PLCH1: variants seen among roughly 807,000 people sequenced by gnomAD.
PLCH1 encodes the protein 1-phosphatidylinositol 4,5-bisphosphate phosphodiesterase eta-1.
A neutral mutation model predicts 126.7 loss-of-function variants in PLCH1; 60 were observed. The observed-to-expected ratio is 0.47, with a 90% confidence interval of 0.38 to 0.59. The LOEUF (loss-of-function observed/expected upper bound fraction) is 0.59. PLCH1 is among the 20% of genes least tolerant of loss of function. The probability of loss-of-function intolerance (pLI) is 0.00; values close to 1 mark genes in which losing one functional copy is unlikely to be tolerated. For synonymous variants in PLCH1, 719 were observed against 734.9 expected, an observed-to-expected ratio of 0.98 and a Z score of 0.35; for missense variants, 1,723 against 2,040.0, an observed-to-expected ratio of 0.84 and a Z score of 2.99.
At chr3:155,465,955 A>T (rs901671170) in intron 21 of PLCH1, among the ~76,000 whole-genome samples, 3 of 152,208 alleles carry the variant, frequency 2.0e-5, no homozygotes, top group African/African-American at 7.2e-5. Context: ...TTCAGTGCCA[A>T]TGCAGCCACA....
At chr3:155,714,790 G>T (rs1747387658) in intron 1 of PLCH1, among the ~76,000 whole-genome samples, 1 of 152,172 alleles carries the variant, frequency 6.6e-6, no homozygotes, top group Non-Finnish European at 1.5e-5. Flanking sequence ...TACTGGACTT[G>T]AATTGCTCAT....
chr3:155,483,125 C>G, intron 22 of PLCH1, 74 bp from the exon 23 acceptor site: 2 of 1,305,046 alleles, frequency 1.5e-6, no homozygotes, highest in South Asian at 2.7e-5. Context: ...ATGTTGTCTT[C>G]GGACAGACAA....
At chr3:155,711,818 G>A (rs1053292094) in intron 1 of PLCH1, among the ~76,000 whole-genome samples, 1 of 151,870 alleles carries the variant, frequency 6.6e-6, no homozygotes, top group Non-Finnish European at 1.5e-5. Context: ...GAACTCTTGG[G>A]GGAAAAAAAA....
intron 2 of PLCH1, among the ~76,000 whole-genome samples, chr3:155,627,038 T>A (rs1333540639): frequency 6.6e-6 from 1 of 152,160 alleles, no homozygotes; most frequent in Non-Finnish European, 1.5e-5. Context: ...CCCTTACTCA[T>A]GGTTAAAAAC....
chr3:155,484,687 A>G (rs1714739049), intron 22 of PLCH1, among the ~76,000 whole-genome samples: 1 of 152,194 alleles, frequency 6.6e-6, no homozygotes, highest in Admixed American at 6.5e-5. Context: ...GGCACACTGC[A>G]AGGCGGTCTT....
intron 2 of PLCH1, among the ~76,000 whole-genome samples, chr3:155,650,733 A>G (rs763612950): frequency 1.3e-5 from 2 of 152,232 alleles, no homozygotes; most frequent in Non-Finnish European, 2.9e-5. Flanking sequence ...GTAGAAGAAG[A>G]AATTACCAAT....
intron 21 of PLCH1, among the ~76,000 whole-genome samples, chr3:155,471,391 T>C (rs948465020): frequency 3.3e-5 from 5 of 151,600 alleles, no homozygotes; most frequent in Admixed American, 6.6e-5. Flanking sequence ...CCTAAATATA[T>C]ATGCGCCCAA....
chr3:155,561,196 T>C (rs1233014208), intron 8 of PLCH1, among the ~76,000 whole-genome samples: 4 of 151,862 alleles, frequency 2.6e-5, no homozygotes, highest in Non-Finnish European at 5.9e-5. Flanking sequence ...GTTAGTTACA[T>C]ATGTATACAT....
At chr3:155,619,191 GAGTA>G (rs1736153678) in intron 2 of PLCH1, among the ~76,000 whole-genome samples, 2 of 148,122 alleles carry the variant, frequency 1.4e-5, no homozygotes, top group East Asian at 2.0e-4. Flanking sequence ...TCTAAACACA[GAGTA>G]AGTATTTGTT....
intron 1 of PLCH1, among the ~76,000 whole-genome samples, chr3:155,714,152 T>G (rs1321800973): frequency 6.6e-6 from 1 of 152,220 alleles, no homozygotes; most frequent in African/African-American, 2.4e-5. Flanking sequence ...TTGGGAATTT[T>G]GCACCCAGGT....
chr3:155,643,828 T>C (rs1341628821), intron 2 of PLCH1, among the ~76,000 whole-genome samples: 1 of 152,178 alleles, frequency 6.6e-6, no homozygotes, highest in Non-Finnish European at 1.5e-5. Context: ...AAACGTATGA[T>C]TGGAGAATAA....
At chr3:155,484,056 GA>G (rs1714611980) in intron 22 of PLCH1, among the ~76,000 whole-genome samples, 2 of 152,098 alleles carry the variant, frequency 1.3e-5, no homozygotes, top group Admixed American at 1.3e-4. Flanking sequence ...AGATTTTGCA[GA>G]GGAACAGAAT....
intron 21 of PLCH1, among the ~76,000 whole-genome samples, chr3:155,453,949 G>A (rs1413545897): frequency 6.6e-6 from 1 of 151,880 alleles, no homozygotes; most frequent in Non-Finnish European, 1.5e-5. Flanking sequence ...AAAGGTCTGT[G>A]GGAAAAAAAT....
chr3:155,670,622 C>T (rs1743314774), intron 2 of PLCH1, among the ~76,000 whole-genome samples: 1 of 151,982 alleles, frequency 6.6e-6, no homozygotes, highest in African/African-American at 2.4e-5. Flanking sequence ...GGGTTCATGG[C>T]CCTGATCTGA....
At chr3:155,738,899 C>T (rs1326995891) in intron 1 of PLCH1, among the ~76,000 whole-genome samples, 1 of 151,900 alleles carries the variant, frequency 6.6e-6, no homozygotes, top group Non-Finnish European at 1.5e-5. Context: ...TGCAGTGAAC[C>T]AAGATCGTGC....
chr3:155,726,312 T>C (rs1205781633), intron 1 of PLCH1, among the ~76,000 whole-genome samples: 1 of 152,220 alleles, frequency 6.6e-6, no homozygotes, highest in African/African-American at 2.4e-5. Flanking sequence ...AAGGCCTTTA[T>C]TGTGTCCCTG....
intron 2 of PLCH1, among the ~76,000 whole-genome samples, chr3:155,680,234 T>G (rs146266028): frequency 4.6e-5 from 7 of 151,886 alleles, no homozygotes; most frequent in African/African-American, 1.7e-4. Context: ...AATACAAAAA[T>G]TAGCCGAGTG....
At chr3:155,568,415 C>A in intron 6 of PLCH1, 91 bp from the exon 7 acceptor site, 1 of 617,484 alleles carries the variant, frequency 1.6e-6, no homozygotes. Flanking sequence ...TTGCATTCTT[C>A]ACACCGTACA....
intron 4 of PLCH1, among the ~76,000 whole-genome samples, chr3:155,590,446 C>T (rs1033532302): frequency 6.6e-6 from 1 of 151,950 alleles, no homozygotes; most frequent in South Asian, 2.1e-4. Context: ...GGCGTGGTGG[C>T]GGGCGCCTGT....
Sources: allele counts gnomAD v4.1 joint callset (sites outside exome capture counted in the v4.1 genomes callset), GRCh38; gene constraint gnomAD v4.1.1; transcripts MANE v1.5; gene names NCBI Gene and HGNC (gene_info 2026-07-23, HGNC 2026-07-21).